Variants in PNKD observed in about 807,000 individuals in gnomAD.
PNKD encodes PNKD metallo-beta-lactamase domain containing, also known as probable thioesterase PNKD.
In PNKD, 36 loss-of-function variants were observed where a neutral mutation model predicts 45.3. That is an observed-to-expected ratio of 0.80 (90% CI 0.61 to 1.05). The LOEUF (loss-of-function observed/expected upper bound fraction) is 1.05. Ranked by LOEUF, PNKD falls within the 50% of genes least tolerant of loss-of-function variation. The pLI is 0.00. For missense variants in PNKD, 511 were observed against 506.6 expected (o/e 1.01, Z -0.08); for synonymous variants, 197 against 210.1 (o/e 0.94, Z 0.54).
At chr2:218,291,344 C>T (rs956094332) in intron 2 of PNKD, among the ~76,000 whole-genome samples, 1 of 152,150 alleles carries the variant, frequency 6.6e-6, no homozygotes, top group Non-Finnish European at 1.5e-5. Context: ...AAGTATGGCT[C>T]CCCCTTTGCG....
chr2:218,274,054 G>C, intron 2 of PNKD: 1 of 154,724 alleles, frequency 6.5e-6, no homozygotes. Flanking sequence ...GCCTTCACTA[G>C]TCTATTGCAT....
At chr2:218,333,221 T>G (rs1574710900) in intron 2 of PNKD, among the ~76,000 whole-genome samples, 1 of 152,222 alleles carries the variant, frequency 6.6e-6, no homozygotes. Context: ...CCTTCTGCCT[T>G]GTTTCTGCTG....
chr2:218,339,801 C>T lies in PNKD; in HGVS notation c.255C>T (p.Arg85=), dbSNP rs1574717661. Residue 85 remains arginine, a synonymous_variant, in exon 3 of 10, where the codon CGC becomes CGT. Coordinates refer to ENST00000273077, the MANE Select transcript of PNKD (RefSeq NM_015488.5). Reference sequence around the variant, plus strand: ...CCTCTAGGTACAGCCTGTACACCCGCACCTGGCTCGGGTACCTCTTCTACC... The same window carrying T: ...CCTCTAGGTACAGCCTGTACACCCGTACCTGGCTCGGGTACCTCTTCTACC... ...VGLAWYSLYT[R]TWLGYLFYRQ... 1 of 1,612,684 alleles carries T rather than the reference C, an allele frequency of 6.2e-7. No homozygotes were observed. The highest frequency in any genetic ancestry group is 1.1e-5 in the South Asian group (1 of 91,012).
At chr2:218,344,645 C>A in intron 9 of PNKD, 75 bp downstream of exon 9, 2 of 1,436,678 alleles carry the variant, frequency 1.4e-6, no homozygotes, top group Non-Finnish European at 2.0e-6. Context: ...CATGCTGACC[C>A]CAGGCCTGCG....
At chr2:218,325,528 A>C (rs1000518540) in intron 2 of PNKD, among the ~76,000 whole-genome samples, 2 of 152,052 alleles carry the variant, frequency 1.3e-5, no homozygotes, top group Non-Finnish European at 2.9e-5. Context: ...TTTTAATGAA[A>C]ACATTTTCTC....
At chr2:218,314,461 G>A (rs938301210) in intron 2 of PNKD, among the ~76,000 whole-genome samples, 2 of 151,620 alleles carry the variant, frequency 1.3e-5, no homozygotes, top group Non-Finnish European at 2.9e-5. Context: ...GGGCTCAAGC[G>A]ATCCTCCCAC....
chr2:218,298,786 C>T (rs1255549657), intron 2 of PNKD, among the ~76,000 whole-genome samples: 1 of 152,182 alleles, frequency 6.6e-6, no homozygotes, highest in Non-Finnish European at 1.5e-5. Flanking sequence ...AGCTTTCAAG[C>T]CCCTCTCCTC....
At chr2:218,321,571 C>A (rs984799771) in intron 2 of PNKD, among the ~76,000 whole-genome samples, 1 of 151,958 alleles carries the variant, frequency 6.6e-6, no homozygotes, top group African/African-American at 2.4e-5. Context: ...TTAACATATC[C>A]CTCACCCATC....
chr2:218,280,213 G>A, intron 2 of PNKD: 1 of 974,824 alleles, frequency 1.0e-6, no homozygotes, highest in Non-Finnish European at 1.6e-6. Flanking sequence ...CAAAGTCTCA[G>A]GGATCTCCAG....
intron 2 of PNKD, among the ~76,000 whole-genome samples, chr2:218,302,943 T>C (rs1318783830): frequency 1.3e-5 from 2 of 151,976 alleles, no homozygotes; most frequent in African/African-American, 4.8e-5. Context: ...TTTGTTCGTT[T>C]GTTTGTTTGT....
At chr2:218,308,102 A>G (rs1693473075) in intron 2 of PNKD, among the ~76,000 whole-genome samples, 1 of 125,602 alleles carries the variant, frequency 8.0e-6, no homozygotes, top group Non-Finnish European at 1.9e-5. Flanking sequence ...AGAAGATCAG[A>G]AAATATTTTA....
intron 2 of PNKD, among the ~76,000 whole-genome samples, chr2:218,312,418 C>A (rs1269478550): frequency 6.6e-6 from 1 of 152,048 alleles, no homozygotes; most frequent in Non-Finnish European, 1.5e-5. Context: ...TTGGACCAAG[C>A]AAGATCCACC....
intron 2 of PNKD, among the ~76,000 whole-genome samples, chr2:218,299,709 C>T (rs1272750121): frequency 6.6e-6 from 1 of 151,820 alleles, no homozygotes; most frequent in East Asian, 1.9e-4. Context: ...ACAACCTCCA[C>T]CTCCCAGTTT....
chr2:218,288,741 A>G (rs1363189068), intron 2 of PNKD, among the ~76,000 whole-genome samples: 1 of 152,180 alleles, frequency 6.6e-6, no homozygotes, highest in African/African-American at 2.4e-5. Context: ...CCCCATGGCT[A>G]TCGTGACTAT....
intron 2 of PNKD, among the ~76,000 whole-genome samples, chr2:218,292,315 C>T (rs1350837191): frequency 6.6e-6 from 1 of 152,196 alleles, no homozygotes; most frequent in Admixed American, 6.5e-5. Flanking sequence ...GGGAGATCCC[C>T]ATCTGGAACG....
At chr2:218,335,271 C>T (rs1694455839) in intron 2 of PNKD, among the ~76,000 whole-genome samples, 1 of 152,220 alleles carries the variant, frequency 6.6e-6, no homozygotes, top group Middle Eastern at 3.4e-3. Flanking sequence ...CACCTGAGGT[C>T]GGGAGCTCTA....
chr2:218,339,827 G>A lies in PNKD; in HGVS notation c.281G>A (p.Arg94Gln), dbSNP rs140941237. Residue 94 changes from arginine to glutamine, a missense_variant, in exon 3 of 10, where the codon CGA becomes CAA. Physicochemically the swap from Arg to Gln is conservative, Grantham distance 43 (BLOSUM62 1). Transcript: ENST00000273077. ...TRTWLGYLFY[R>Q]QQLRRARNRY... ...ACCTGGCTCGGGTACCTCTTCTACC[G>A]ACAGCAGCTGCGCAGGGCTCGGAAT... 1.2e-4 allele frequency: 186 copies of A among 1,613,576 alleles called. No homozygotes were observed. The highest frequency in any genetic ancestry group is 1.6e-4 in the African/African-American group (12 of 74,804).
intron 2 of PNKD, among the ~76,000 whole-genome samples, chr2:218,296,094 C>T (rs903612334): frequency 4.6e-5 from 7 of 152,094 alleles, no homozygotes; most frequent in Admixed American, 2.6e-4. Context: ...GCAATCCATC[C>T]GCCTCACCCT....
At chr2:218,311,582 C>T (rs1311574162) in intron 2 of PNKD, among the ~76,000 whole-genome samples, 1 of 152,060 alleles carries the variant, frequency 6.6e-6, no homozygotes, top group African/African-American at 2.4e-5. Context: ...TTCTCTTTAC[C>T]CAAACATCTC....
Sources: allele counts gnomAD v4.1 joint callset (sites outside exome capture counted in the v4.1 genomes callset), GRCh38; gene constraint gnomAD v4.1.1; transcripts MANE v1.5; gene names NCBI Gene and HGNC (gene_info 2026-07-23, HGNC 2026-07-21).